Variants in PTPRG observed in about 807,000 individuals in gnomAD.
PTPRG encodes receptor-type tyrosine-protein phosphatase gamma.
PTPRG carries 102 observed loss-of-function variants against 165.3 expected under a neutral mutation model. That is an observed-to-expected ratio of 0.62 (90% confidence interval 0.53 to 0.73). The LOEUF (loss-of-function observed/expected upper bound fraction) is 0.73, where lower values mean the gene tolerates loss of function less well. PTPRG is among the 30% of genes least tolerant of loss of function. The probability of loss-of-function intolerance (pLI) is 0.00; values close to 1 mark genes in which losing one functional copy is unlikely to be tolerated. For missense variants in PTPRG, 1,866 were observed against 1,861.4 expected (o/e 1.00, Z -0.05); for synonymous variants, 675 against 669.5 (o/e 1.01, Z -0.13).
chr3:61,852,175 A>G (rs567038979), intron 2 of PTPRG, among the ~76,000 whole-genome samples: 22 of 152,316 alleles, frequency 1.4e-4, no homozygotes, highest in African/African-American at 5.3e-4. Context: ...ATTAGCTGAT[A>G]CTACTTTTCT....
chr3:61,614,007 C>T (rs35202470), intron 1 of PTPRG, among the ~76,000 whole-genome samples: 13,511 of 152,208 alleles, frequency 0.089, 721 homozygotes, highest in East Asian at 0.21. Context: ...GGTGAGCTAC[C>T]ATCCTCCCTG....
At chr3:61,703,604 C>T (rs553915379) in intron 1 of PTPRG, among the ~76,000 whole-genome samples, 1 of 152,280 alleles carries the variant, frequency 6.6e-6, no homozygotes, top group Admixed American at 6.5e-5. Flanking sequence ...CTTAGTTTCT[C>T]CTGCCTCGCT....
intron 5 of PTPRG, among the ~76,000 whole-genome samples, chr3:62,107,496 A>T (rs1702513459): frequency 6.6e-6 from 1 of 152,258 alleles, no homozygotes; most frequent in African/African-American, 2.4e-5. Context: ...GCTAACTTGA[A>T]GACATGTTTA....
At chr3:61,741,798 T>C (rs887336018) in intron 1 of PTPRG, among the ~76,000 whole-genome samples, 1 of 152,154 alleles carries the variant, frequency 6.6e-6, no homozygotes, top group African/African-American at 2.4e-5. Context: ...ATGTATCTTC[T>C]TTTCTTGGTG....
chr3:62,019,330 T>G (rs1400778442), intron 4 of PTPRG, among the ~76,000 whole-genome samples: 1 of 152,112 alleles, frequency 6.6e-6, no homozygotes, highest in Admixed American at 6.6e-5. Context: ...GAGACCACCC[T>G]GGGCTACATG....
chr3:62,236,255 C>T (rs557227889), intron 14 of PTPRG, among the ~76,000 whole-genome samples: 7 of 152,314 alleles, frequency 4.6e-5, no homozygotes, highest in East Asian at 1.9e-4. Context: ...AGCCCAACAA[C>T]GCCTACAGCC....
At chr3:62,060,470 T>A (rs1190954295) in intron 4 of PTPRG, among the ~76,000 whole-genome samples, 1 of 152,218 alleles carries the variant, frequency 6.6e-6, no homozygotes, top group Non-Finnish European at 1.5e-5. Context: ...AGAAGCGTTC[T>A]CTTTCCTCAT....
chr3:61,750,288 A>T (rs887963405), intron 2 of PTPRG: 6 of 152,246 alleles, frequency 3.9e-5, no homozygotes, highest in Non-Finnish European at 5.9e-5. Flanking sequence ...GAGGAGGCAC[A>T]AAGTGGCTTG....
intron 2 of PTPRG, among the ~76,000 whole-genome samples, chr3:61,795,952 A>T (rs1337100445): frequency 6.6e-6 from 1 of 152,150 alleles, no homozygotes; most frequent in African/African-American, 2.4e-5. Context: ...ACAGCAGCAG[A>T]TACCTCTTTA....
At chr3:61,815,265 T>C (rs1027972498) in intron 2 of PTPRG, among the ~76,000 whole-genome samples, 1 of 147,852 alleles carries the variant, frequency 6.8e-6, no homozygotes, top group African/African-American at 2.5e-5. Context: ...AAAAAATCAG[T>C]TGGGCATGGT....
chr3:62,250,346 A>T (rs752422248), intron 15 of PTPRG, among the ~76,000 whole-genome samples: 2 of 152,162 alleles, frequency 1.3e-5, no homozygotes, highest in Non-Finnish European at 2.9e-5. Flanking sequence ...CTGGTGGCTG[A>T]TAAGAATCAC....
chr3:62,061,564 A>G (rs1700811545), intron 4 of PTPRG, among the ~76,000 whole-genome samples: 1 of 152,024 alleles, frequency 6.6e-6, no homozygotes, highest in Non-Finnish European at 1.5e-5. Context: ...TAATAAAGTT[A>G]TTAACCCCTT....
chr3:61,810,865 C>T (rs187220173), intron 2 of PTPRG, among the ~76,000 whole-genome samples: 6 of 151,894 alleles, frequency 4.0e-5, no homozygotes, highest in East Asian at 1.9e-4. Context: ...TTTACTTTAG[C>T]GTTCCACCAT....
At chr3:61,602,001 C>A (rs746263308) in intron 1 of PTPRG, among the ~76,000 whole-genome samples, 6 of 152,182 alleles carry the variant, frequency 3.9e-5, no homozygotes, top group Non-Finnish European at 5.9e-5. Context: ...CCAACACTGA[C>A]GTTGTCCAGG....
chr3:61,768,561 G>A (rs1575648703), intron 2 of PTPRG, among the ~76,000 whole-genome samples: 1 of 152,196 alleles, frequency 6.6e-6, no homozygotes, highest in African/African-American at 2.4e-5. Context: ...AGTTGAGGAG[G>A]CTGTTCACAG....
At chr3:62,172,981 T>C (rs1230512234) in intron 8 of PTPRG, among the ~76,000 whole-genome samples, 10 of 152,226 alleles carry the variant, frequency 6.6e-5, no homozygotes, top group Admixed American at 6.5e-4. Context: ...TTTTTGGCTT[T>C]GTTGGCCATA....
chr3:62,030,110 T>G (rs756453595), intron 4 of PTPRG, among the ~76,000 whole-genome samples: 2 of 152,222 alleles, frequency 1.3e-5, no homozygotes, highest in African/African-American at 2.4e-5. Flanking sequence ...AGTGAAATCA[T>G]GTATATCCAA....
intron 3 of PTPRG, among the ~76,000 whole-genome samples, chr3:62,000,285 A>T (rs2041141974): frequency 6.6e-6 from 1 of 151,312 alleles, no homozygotes; most frequent in South Asian, 2.1e-4. Context: ...TGTCTCCAAA[A>T]AAAAAAAAAA....
intron 1 of PTPRG, among the ~76,000 whole-genome samples, chr3:61,678,147 AGCAAACCAAAG>A (rs1234612482): frequency 1.3e-5 from 2 of 152,186 alleles, no homozygotes; most frequent in East Asian, 3.9e-4. Context: ...CAGTCTCATA[AGCAAACCAAAG>A]GCATGCGTGT....
Sources: allele counts gnomAD v4.1 joint callset (sites outside exome capture counted in the v4.1 genomes callset), GRCh38; gene constraint gnomAD v4.1.1; transcripts MANE v1.5; gene names NCBI Gene and HGNC (gene_info 2026-07-23, HGNC 2026-07-21).